Variants in ERAP1 observed in about 807,000 individuals in gnomAD.
The protein encoded by ERAP1 is adipocyte-derived leucine aminopeptidase.
A neutral mutation model predicts 103.7 loss-of-function variants in ERAP1; 86 were observed. That is an observed-to-expected ratio of 0.83 (90% confidence interval 0.70 to 0.99). ERAP1 has a LOEUF of 0.99. Among genes scored for constraint, ERAP1 ranks in the 50% least tolerant of loss-of-function variants. The pLI, the probability that ERAP1 is intolerant of heterozygous loss-of-function variation, is 0.00. For missense variants in ERAP1, 1,009 were observed against 1,128.4 expected (o/e 0.89, Z 1.52); for synonymous variants, 398 against 402.4 (o/e 0.99, Z 0.13).
the ERAP1 span, among the ~76,000 whole-genome samples, chr5:96,891,547 C>G: frequency 7.2e-6 from 1 of 138,498 alleles, no homozygotes. Flanking sequence ...CACACACACA[C>G]ACACACACAC....
At chr5:96,806,623 C>T (rs1327131244) in intron 1 of ERAP1, among the ~76,000 whole-genome samples, 1 of 128,016 alleles carries the variant, frequency 7.8e-6, no homozygotes, top group Non-Finnish European at 1.6e-5. Flanking sequence ...CAAGATCCCT[C>T]TTTTTTTTTT....
Position 96,802,002 on chromosome 5 carries a change from G to C in ERAP1, c.525-1002C>G, listed in dbSNP as rs2150995111. On this transcript the variant is annotated intron_variant, in intron 2 of 18. Coordinates refer to ENST00000443439, the MANE Select transcript of ERAP1 (RefSeq NM_001040458.3). ...AAGCTGCTCAACTTCCTTAATCAAA[G>C]TTACGTAAATTAAAAAGAGATCATT... Among the ~76,000 whole-genome samples the C allele has an allele frequency of 2.0e-5, 3 of 151,446 alleles. No individual in the cohort carries two copies. In the South Asian group the frequency reaches 6.3e-4, roughly 32 times the overall value.
the ERAP1 span, among the ~76,000 whole-genome samples, chr5:96,865,398 A>G: frequency 6.6e-6 from 1 of 152,196 alleles, no homozygotes; most frequent in East Asian, 1.9e-4. Context: ...TGTGTATAAA[A>G]GCCCTACTGC....
At chr5:96,764,720 G>A (rs1001907370) in intron 19 of ERAP1, among the ~76,000 whole-genome samples, 1 of 152,178 alleles carries the variant, frequency 6.6e-6, no homozygotes, top group African/African-American at 2.4e-5. Context: ...GAGTTTTAGA[G>A]AGGACCCACA....
At chr5:96,903,564 A>T in the ERAP1 span, 5 of 1,588,514 alleles carry the variant, frequency 3.1e-6, no homozygotes, top group South Asian at 2.3e-5. Context: ...TAGTTGGGTA[A>T]GGCAACATTT....
the ERAP1 span, among the ~76,000 whole-genome samples, chr5:96,834,775 G>C: frequency 6.6e-6 from 1 of 152,166 alleles, no homozygotes; most frequent in Non-Finnish European, 1.5e-5. Flanking sequence ...CTATTTCACT[G>C]TTATTACTAA....
chr5:96,850,083 T>C, the ERAP1 span, among the ~76,000 whole-genome samples: 8 of 152,166 alleles, frequency 5.3e-5, no homozygotes, highest in South Asian at 1.7e-3. Context: ...TCACCTCCTA[T>C]ACAAGAATCA....
intron 1 of ERAP1, among the ~76,000 whole-genome samples, chr5:96,805,278 AT>A (rs1361341406): frequency 6.6e-6 from 1 of 151,872 alleles, no homozygotes; most frequent in Admixed American, 6.6e-5. Context: ...ATTGACAACA[AT>A]TAAACTGGAA....
chr5:96,818,009 T>A, the ERAP1 span, among the ~76,000 whole-genome samples: 2 of 152,148 alleles, frequency 1.3e-5, no homozygotes, highest in Non-Finnish European at 2.9e-5. Flanking sequence ...AATATTAAAC[T>A]GTACTGAGGT....
At chr5:96,872,724 T>C in the ERAP1 span, among the ~76,000 whole-genome samples, 22 of 152,348 alleles carry the variant, frequency 1.4e-4, no homozygotes, top group East Asian at 5.8e-4. Flanking sequence ...TAATCCTCTG[T>C]AGCAAAGTAT....
chr5:96,911,885 A>AAAAAAAAAAAC, the ERAP1 span, among the ~76,000 whole-genome samples: 1 of 146,168 alleles, frequency 6.8e-6, no homozygotes, highest in Non-Finnish European at 1.5e-5. Flanking sequence ...AAAAAAAGAA[A>AAAAAAAAAAAC]GAAAGAAAGA....
At chr5:96,843,572 G>T in the ERAP1 span, among the ~76,000 whole-genome samples, 1 of 152,148 alleles carries the variant, frequency 6.6e-6, no homozygotes, top group Non-Finnish European at 1.5e-5. Context: ...GAAAGTTGGG[G>T]TTTTCCTTTT....
chr5:96,894,315 T>G, the ERAP1 span, among the ~76,000 whole-genome samples: 3 of 152,210 alleles, frequency 2.0e-5, no homozygotes, highest in African/African-American at 7.2e-5. Context: ...ATGAATGCCC[T>G]TCAGAAGATT....
Position 96,800,957 on chromosome 5 carries a change from C to T in ERAP1, c.568G>A (p.Ala190Thr). 1.2e-6 allele frequency: 2 copies of T among 1,614,094 alleles called. No homozygotes were observed. The highest frequency in any genetic ancestry group is 1.1e-5 in the South Asian group (1 of 91,080). Reference protein sequence around the residue: ...TQFEPTAARMAFPCFDEPAFK... With the variant: ...TQFEPTAARMTFPCFDEPAFK... ...GCAGGTTCATCAAAGCAGGGAAAGGCCATTCTAGCTGCAGTGGGTTCAAAT... is the reference window on the plus strand; with the variant it reads ...GCAGGTTCATCAAAGCAGGGAAAGGTCATTCTAGCTGCAGTGGGTTCAAAT... Residue 190 changes from alanine (A) to threonine (T), a missense_variant, in exon 3 of 19, where the codon GCC becomes ACC. Transcript: ENST00000443439.
chr5:96,856,365 TAG>T, the ERAP1 span, among the ~76,000 whole-genome samples: 74 of 20,376 alleles, frequency 3.6e-3, 1 homozygote, highest in Middle Eastern at 0.031. Context: ...TATATATATA[TAG>T]AGAGAGAGAG....
At chr5:96,916,728 G>A in the ERAP1 span, among the ~76,000 whole-genome samples, 62,882 of 150,638 alleles carry the variant, frequency 0.42, 13,192 homozygotes, top group East Asian at 0.44. Context: ...TTGGCCTCCC[G>A]AAGTGCTGGG....
the ERAP1 span, among the ~76,000 whole-genome samples, chr5:96,823,351 T>C: frequency 6.6e-6 from 1 of 152,180 alleles, no homozygotes; most frequent in East Asian, 1.9e-4. Flanking sequence ...GTACCAAAAA[T>C]ATTTGATGGC....
chr5:96,807,783 C>T, intron 1 of ERAP1, 77 bp downstream of exon 1: 4 of 957,580 alleles, frequency 4.2e-6, no homozygotes, highest in Non-Finnish European at 5.0e-6. Context: ...CCCCACTTGA[C>T]GGGCGCAGGG....
At chr5:96,883,744 T>G in the ERAP1 span, 1 of 1,567,896 alleles carries the variant, frequency 6.4e-7, no homozygotes, top group Non-Finnish European at 8.6e-7. Flanking sequence ...TTCATTTCTC[T>G]TCTTGATTTC....
Sources: gnomAD v4.1 joint callset for allele counts (sites outside exome capture counted in the v4.1 genomes callset) on GRCh38, gnomAD v4.1.1 for gene constraint, MANE v1.5 for transcripts, NCBI Gene and HGNC (gene_info 2026-07-23, HGNC 2026-07-21) for gene names.